Variants in GRM8 observed in about 807,000 individuals in gnomAD.
GRM8 encodes the protein glutamate metabotropic receptor 8.
Under a neutral mutation model 87.2 loss-of-function variants are expected in GRM8, and 47 were observed. The observed-to-expected ratio is 0.54, with a 90% CI of 0.43 to 0.69. GRM8 has a LOEUF of 0.69. Among genes scored for constraint, GRM8 ranks in the 30% least tolerant of loss-of-function variants. The pLI, the probability that GRM8 is intolerant of heterozygous loss-of-function variation, is 0.00. For missense variants in GRM8, 1,019 were observed against 1,139.2 expected (o/e 0.89, Z 1.52); for synonymous variants, 396 against 404.5 (o/e 0.98, Z 0.25).
chr7:127,070,945 A>G (rs371890619), intron 3 of GRM8, among the ~76,000 whole-genome samples: 4 of 152,310 alleles, frequency 2.6e-5, no homozygotes, highest in Non-Finnish European at 2.9e-5. Flanking sequence ...AAATTCTGAA[A>G]CAGGCCATTT....
chr7:126,789,229 A>C (rs1821000824), intron 6 of GRM8, among the ~76,000 whole-genome samples: 1 of 152,064 alleles, frequency 6.6e-6, no homozygotes. Flanking sequence ...TGTTCAAAAG[A>C]CTAACCAAAA....
intron 7 of GRM8, among the ~76,000 whole-genome samples, chr7:126,641,553 T>C (rs977748280): frequency 6.6e-6 from 1 of 152,234 alleles, no homozygotes; most frequent in African/African-American, 2.4e-5. Flanking sequence ...GAAAGCTTCT[T>C]TGAGAAACTA....
At chr7:126,781,197 TGA>T (rs1820037948) in intron 6 of GRM8, among the ~76,000 whole-genome samples, 1 of 152,170 alleles carries the variant, frequency 6.6e-6, no homozygotes, top group Non-Finnish European at 1.5e-5. Flanking sequence ...GTCAACATAG[TGA>T]GTTTGTTCCT....
At position 126,909,939 on chromosome 7, in the gene GRM8, C is replaced by T. The variant is rs541733061; in HGVS notation, c.728-5256G>A. Among the ~76,000 whole-genome samples, 159 of 152,246 alleles carry T rather than the reference C, an allele frequency of 1.0e-3. 1 individual carries two copies. Among genetic ancestry groups the T allele is most frequent in the African/African-American group, 3.7e-3 (153 of 41,562 alleles). On this transcript the variant is annotated intron_variant, in intron 3 of 10. Transcript: ENST00000339582. Reference sequence around the variant, plus strand: ...CTTACCCATCCACAATTGACTATACCTGTGGCTTAATGGTTTAGTGACTGC... The same window carrying T: ...CTTACCCATCCACAATTGACTATACTTGTGGCTTAATGGTTTAGTGACTGC...
At chr7:126,821,755 T>G (rs997435021) in intron 6 of GRM8, among the ~76,000 whole-genome samples, 5 of 152,230 alleles carry the variant, frequency 3.3e-5, no homozygotes, top group African/African-American at 9.6e-5. Flanking sequence ...ATAACCATGG[T>G]ACAATTATCA....
At chr7:127,129,062 A>T (rs1452428967) in intron 2 of GRM8, among the ~76,000 whole-genome samples, 1 of 152,170 alleles carries the variant, frequency 6.6e-6, no homozygotes, top group Non-Finnish European at 1.5e-5. Context: ...AACCTGATAA[A>T]TTGGAATTAT....
chr7:126,481,678 A>G (rs1806691509), intron 9 of GRM8, among the ~76,000 whole-genome samples: 1 of 151,998 alleles, frequency 6.6e-6, no homozygotes, highest in African/African-American at 2.4e-5. Flanking sequence ...TCACAGATTG[A>G]AAAAAACCAA....
chr7:126,499,427 C>T (rs2150686810), intron 9 of GRM8, among the ~76,000 whole-genome samples: 1 of 144,618 alleles, frequency 6.9e-6, no homozygotes, highest in South Asian at 2.2e-4. Context: ...AAAAAAAAAA[C>T]TAGAATTATC....
At chr7:127,142,795 C>T (rs1828349102) in intron 2 of GRM8, among the ~76,000 whole-genome samples, 1 of 151,988 alleles carries the variant, frequency 6.6e-6, no homozygotes, top group Non-Finnish European at 1.5e-5. Context: ...TTACCATGTG[C>T]CAAGTACTTC....
intron 6 of GRM8, among the ~76,000 whole-genome samples, chr7:126,840,183 C>T (rs879709931): frequency 2.6e-5 from 4 of 152,110 alleles, no homozygotes; most frequent in African/African-American, 7.2e-5. Flanking sequence ...AAAACAGTTT[C>T]CCTTAACCTG....
At chr7:126,712,182 T>A (rs1811173330) in intron 7 of GRM8, among the ~76,000 whole-genome samples, 1 of 152,154 alleles carries the variant, frequency 6.6e-6, no homozygotes, top group Admixed American at 6.6e-5. Flanking sequence ...GGGTTATTAA[T>A]TAACCTTATT....
At chr7:127,230,863 T>C (rs554305648) in intron 2 of GRM8, among the ~76,000 whole-genome samples, 2 of 152,320 alleles carry the variant, frequency 1.3e-5, no homozygotes, top group African/African-American at 4.8e-5. Context: ...TAAGGTATTC[T>C]GTTGCAGCAG....
chr7:127,091,993 C>T (rs1459028603), intron 3 of GRM8, among the ~76,000 whole-genome samples: 1 of 97,572 alleles, frequency 1.0e-5, no homozygotes, highest in Non-Finnish European at 2.2e-5. Context: ...GATCATTCCC[C>T]GTCCCACTGA....
intron 1 of GRM8, among the ~76,000 whole-genome samples, chr7:127,245,220 T>C (rs958122483): frequency 3.9e-5 from 6 of 152,212 alleles, no homozygotes; most frequent in Non-Finnish European, 5.9e-5. Flanking sequence ...TGTTTAACAG[T>C]TTCACAAGGA....
intron 3 of GRM8, among the ~76,000 whole-genome samples, chr7:127,040,023 AG>A (rs1818259529): frequency 3.1e-5 from 1 of 32,772 alleles, no homozygotes; most frequent in Non-Finnish European, 6.7e-5. Context: ...GGGGAGGGTG[AG>A]GAGGGAGGGG....
rs529010042 is a variant in GRM8 at position 126,741,157 on chromosome 7, C to G, written c.1357+28708G>C. ...ATTACACTCTTCTGGTCTGACTCCA[C>G]CAAAAAGCTTTTAGAAAATAGATTA... On this transcript the variant is annotated intron_variant, in intron 7 of 10. Transcript: ENST00000339582. 2.2e-4 allele frequency among the ~76,000 whole-genome samples: 34 copies of G among 152,112 alleles called. No homozygotes were observed. In the South Asian group the frequency reaches 6.7e-3, roughly 30 times the overall value.
chr7:126,862,480 C>A (rs939587805), intron 6 of GRM8, among the ~76,000 whole-genome samples: 1 of 151,902 alleles, frequency 6.6e-6, no homozygotes, highest in Non-Finnish European at 1.5e-5. Context: ...CTTGGATTTT[C>A]TATGTACATA....
intron 8 of GRM8, among the ~76,000 whole-genome samples, chr7:126,564,039 T>C (rs927389503): frequency 1.3e-5 from 2 of 152,232 alleles, no homozygotes; most frequent in African/African-American, 2.4e-5. Context: ...GTCTAGTAGA[T>C]GGCTACCAGA....
chr7:126,473,962 A>C (rs996687992), intron 9 of GRM8, among the ~76,000 whole-genome samples: 3 of 152,078 alleles, frequency 2.0e-5, no homozygotes, highest in African/African-American at 7.2e-5. Context: ...TGGAACTATG[A>C]ATCCATTAAA....
Sources: gnomAD v4.1 joint callset for allele counts (sites outside exome capture counted in the v4.1 genomes callset) on GRCh38, gnomAD v4.1.1 for gene constraint, MANE v1.5 for transcripts, NCBI Gene and HGNC (gene_info 2026-07-23, HGNC 2026-07-21) for gene names.